DUS2: variants seen among roughly 807,000 people sequenced by gnomAD.
DUS2 encodes tRNA-dihydrouridine(20) synthase [NAD(P)+]-like.
DUS2 carries 52 observed loss-of-function variants against 71.3 expected under a neutral mutation model. The ratio of observed to expected loss-of-function variants is 0.73; its 90% CI spans 0.58 to 0.92. The LOEUF is 0.92. Among genes scored for constraint, DUS2 ranks in the 40% least tolerant of loss-of-function variants. The pLI is 0.00. For synonymous variants in DUS2, 204 were observed against 227.8 expected (o/e 0.90, Z 0.94); for missense variants, 558 against 622.6 (o/e 0.90, Z 1.10).
intron 3 of DUS2, among the ~76,000 whole-genome samples, chr16:68,038,662 G>A (rs1197445409): frequency 6.6e-6 from 1 of 151,310 alleles, no homozygotes; most frequent in East Asian, 1.9e-4. Context: ...CCTGGGAAGT[G>A]GAGGTTGCAG....
chr16:68,057,663 T>C (rs1427826874), intron 7 of DUS2, among the ~76,000 whole-genome samples: 4 of 151,956 alleles, frequency 2.6e-5, no homozygotes, highest in African/African-American at 9.7e-5. Context: ...TCAGATCACC[T>C]GAGGTCAGGA....
intron 2 of DUS2, among the ~76,000 whole-genome samples, chr16:68,027,978 T>G (rs1275864773): frequency 6.6e-6 from 1 of 152,166 alleles, no homozygotes. Context: ...AGGCAGGTGA[T>G]GAAAGAGGCT....
chr16:68,078,971 C>T lies in DUS2; in HGVS notation c.1467C>T (p.Pro489=). Residue 489 remains proline (P), a synonymous_variant, in exon 17 of 17, where the codon CCC becomes CCT. Coordinates refer to ENST00000565263, the MANE Select transcript of DUS2 (RefSeq NM_017803.5). The part of the protein sequence containing the change: ...FVALGSGEES[P]LEGW ...CCTTGGGAAGTGGTGAAGAAAGCCC[C>T]CTGGAAGGCTGGTGACTACTCTTCC... The T allele has an allele frequency of 1.9e-6, 3 of 1,573,530 alleles. No individual in the cohort carries two copies. The highest frequency in any genetic ancestry group is 2.6e-6 in the Non-Finnish European group (3 of 1,156,602).
At chr16:68,023,949 C>T (rs2033300461) in intron 1 of DUS2, 1 of 167,214 alleles carries the variant, frequency 6.0e-6, no homozygotes. Context: ...CCGTCAGAAA[C>T]CTGAATTACC....
At chr16:68,032,114 A>C (rs747958551) in intron 2 of DUS2, among the ~76,000 whole-genome samples, 1 of 152,076 alleles carries the variant, frequency 6.6e-6, no homozygotes, top group Non-Finnish European at 1.5e-5. Flanking sequence ...GGGTGGGGTG[A>C]GTGGTTGTGG....
At chr16:68,053,720 G>A in intron 5 of DUS2, 65 bp downstream of exon 5, 2 of 1,559,432 alleles carry the variant, frequency 1.3e-6, no homozygotes, top group Non-Finnish European at 1.8e-6. Context: ...CCCAACTCAT[G>A]CCCTGTGCCA....
rs182384306 is a variant in DUS2, at chr16:68,069,439, T to C, written c.555-695T>C. On this transcript the variant is annotated intron_variant, in intron 10 of 16. Transcript: ENST00000565263. The stretch of plus-strand genomic sequence containing the variant: ...AGAGGGGACATACTCAGACAAGAGC[T>C]GGACAAGGGCTATCTGGTCGACCGT... Among the ~76,000 whole-genome samples the C allele has an allele frequency of 1.4e-3, 214 of 152,276 alleles. 1 individual carries two copies. The highest frequency in any genetic ancestry group is 2.4e-3 in the Non-Finnish European group (163 of 68,006).
intron 7 of DUS2, among the ~76,000 whole-genome samples, chr16:68,058,744 T>A (rs935098996): frequency 2.0e-5 from 3 of 152,222 alleles, no homozygotes; most frequent in East Asian, 1.9e-4. Flanking sequence ...TAAGTTTTTA[T>A]CTGGTTATGC....
Position 68,078,479 on chromosome 16 carries a change from T to A in DUS2, c.1205T>A (p.Ile402Asn), listed in dbSNP as rs144122445. ...QRPLDRLFSS[I>N]VTVAEQKYQS... ...CCTCTAGATCGCCTGTTCTCCTCTATTGTCACCGTTGCTGAACAAAAGTAT... is the reference window on the plus strand; with the variant it reads ...CCTCTAGATCGCCTGTTCTCCTCTAATGTCACCGTTGCTGAACAAAAGTAT... The change falls in exon 16 of 17, where the codon ATT (isoleucine) becomes AAT (asparagine). Residue 402 changes from isoleucine to asparagine, a missense_variant. By Grantham distance (149) the Ile-to-Asn change is moderately radical (BLOSUM62 -3). Transcript: ENST00000565263. The A allele has an allele frequency of 2.1e-5, 34 of 1,614,174 alleles. No individual in the cohort carries two copies. The African/African-American group carries it at 3.2e-4, about 15-fold the overall frequency.
intron 2 of DUS2, among the ~76,000 whole-genome samples, chr16:68,028,623 T>G (rs2033391895): frequency 6.6e-6 from 1 of 152,020 alleles, no homozygotes; most frequent in Non-Finnish European, 1.5e-5. Flanking sequence ...TGGGAGACAG[T>G]AGGAGACTCC....
At position 68,078,468 on chromosome 16, in the gene DUS2, G is replaced by C; in HGVS notation, c.1194G>C (p.Leu398=). 6.2e-7 allele frequency: 1 copy of C among 1,614,138 alleles called. No individual in the cohort carries two copies. Among genetic ancestry groups the C allele is most frequent in the African/African-American group, 1.3e-5 (1 of 75,046 alleles). ...AGGTTCAACGCCCTCTAGATCGCCT[G>C]TTCTCCTCTATTGTCACCGTTGCTG... is the stretch of plus-strand genomic sequence containing the variant. ...YETVQRPLDR[L]FSSIVTVAEQ... The change falls in exon 16 of 17, where the codon CTG becomes CTC. Residue 398 remains leucine (L), a synonymous_variant. Transcript: ENST00000565263.
At chr16:68,043,453 C>T (rs1056748072) in intron 3 of DUS2, among the ~76,000 whole-genome samples, 1 of 151,018 alleles carries the variant, frequency 6.6e-6, no homozygotes, top group African/African-American at 2.4e-5. Context: ...TGTGAGCCAC[C>T]GTGCCTGGCT....
At position 68,049,369 on chromosome 16, in the gene DUS2, A is replaced by G. The variant is rs1283389855; in HGVS notation, c.127-136A>G. ...GCTTGGGTGGGGAGAATAGCACTACATGTCCCAAAAGCCGTGGTTTGTTCT... is the reference window on the plus strand; with the variant it reads ...GCTTGGGTGGGGAGAATAGCACTACGTGTCCCAAAAGCCGTGGTTTGTTCT... On this transcript the variant is annotated intron_variant, in intron 3 of 16. Coordinates refer to ENST00000565263, the MANE Select transcript of DUS2 (RefSeq NM_017803.5). 9 of 798,650 alleles carry G rather than the reference A, an allele frequency of 1.1e-5. No homozygotes were observed. The East Asian group carries it at 2.0e-4, about 18-fold the overall frequency. 49.5% of individuals were successfully genotyped at this position (798,650 alleles called of 1,614,324 possible). A position where few individuals can be genotyped will look rare whatever the true frequency, so the allele number is the denominator to read the frequency against.
chr16:68,027,452 G>C lies in DUS2; in HGVS notation c.-19+1958G>C, dbSNP rs530017550. Among the ~76,000 whole-genome samples the C allele has an allele frequency of 1.8e-3, 269 of 152,250 alleles. 1 individual carries two copies. Among genetic ancestry groups the C allele is most frequent in the East Asian group, 9.7e-4 (5 of 5,180 alleles). On this transcript the variant is annotated intron_variant, in intron 2 of 16. Transcript: ENST00000565263. Reference sequence around the variant, plus strand: ...GTGGTTTCTCCATGTTGGTCAGGCTGGTCTGGTCTCAAACTCCCGACTTTA... The same window carrying C: ...GTGGTTTCTCCATGTTGGTCAGGCTCGTCTGGTCTCAAACTCCCGACTTTA...
chr16:68,047,584 A>G (rs952922788), intron 3 of DUS2, among the ~76,000 whole-genome samples: 4 of 151,244 alleles, frequency 2.6e-5, no homozygotes, highest in Non-Finnish European at 4.4e-5. Context: ...CCCTGGTTCA[A>G]GCAATTCTCC....
intron 8 of DUS2, among the ~76,000 whole-genome samples, chr16:68,063,201 A>G (rs992679511): frequency 2.0e-5 from 3 of 152,162 alleles, no homozygotes; most frequent in African/African-American, 7.2e-5. Flanking sequence ...GCCAGGTTGG[A>G]CTGATAGATG....
chr16:68,070,805 C>G (rs573496200), intron 11 of DUS2, 135 bp from the exon 12 acceptor site: 2 of 826,058 alleles, frequency 2.4e-6, no homozygotes, highest in African/African-American at 3.4e-5. Flanking sequence ...ATCCACTTTA[C>G]TGAAGCTCTG....
intron 8 of DUS2, among the ~76,000 whole-genome samples, chr16:68,062,696 G>A (rs915062852): frequency 1.0e-4 from 15 of 144,740 alleles, no homozygotes; most frequent in African/African-American, 3.9e-4. Flanking sequence ...TCCAGCCTGG[G>A]CGACAGAGCA....
intron 2 of DUS2, among the ~76,000 whole-genome samples, chr16:68,026,283 G>A (rs930110399): frequency 3.3e-5 from 5 of 152,078 alleles, no homozygotes; most frequent in African/African-American, 1.2e-4. Flanking sequence ...GAGCCATTGT[G>A]CCCAGCCGAG....
Sources: gnomAD v4.1 joint callset for allele counts (sites outside exome capture counted in the v4.1 genomes callset) on GRCh38, gnomAD v4.1.1 for gene constraint, MANE v1.5 for transcripts, NCBI Gene and HGNC (gene_info 2026-07-23, HGNC 2026-07-21) for gene names.